The following PEX5L variants were observed in gnomAD, a reference collection of about 807,000 sequenced individuals.
PEX5L encodes the protein PEX5-related protein.
PEX5L carries 30 observed loss-of-function variants against 84.0 expected under a neutral mutation model. The observed-to-expected ratio is 0.36, with a 90% confidence interval of 0.27 to 0.48. The LOEUF (loss-of-function observed/expected upper bound fraction) is 0.48. Among genes scored for constraint, PEX5L ranks in the 20% least tolerant of loss-of-function variants. The probability of loss-of-function intolerance (pLI) is 0.99; values close to 1 mark genes in which losing one functional copy is unlikely to be tolerated. For synonymous variants in PEX5L, 270 were observed against 283.1 expected, an observed-to-expected ratio of 0.95 and a Z score of 0.46; for missense variants, 533 against 754.6, an observed-to-expected ratio of 0.71 and a Z score of 3.44.
rs1302093767 is a variant in PEX5L, at chr3:179,839,865, T to C, written c.822+19197A>G. ...AGAATAATTATGGAAGTTCTTTTTG[T>C]TTGTTTTTGTTTGTTTTTAAGAAAA... On this transcript the variant is annotated intron_variant, in intron 8 of 14. Transcript: ENST00000467460. Among the ~76,000 whole-genome samples, 4 of 152,298 alleles carry C rather than the reference T, an allele frequency of 2.6e-5. 1 individual carries two copies. In the Middle Eastern group the frequency reaches 0.01, roughly 389 times the overall value.
intron 8 of PEX5L, among the ~76,000 whole-genome samples, chr3:179,857,492 T>G (rs994328405): frequency 2.0e-5 from 3 of 152,102 alleles, no homozygotes; most frequent in African/African-American, 7.2e-5. Flanking sequence ...TAGAAAAAAT[T>G]TTTTTGGTTT....
At chr3:180,008,527 C>T (rs1381831642) in intron 1 of PEX5L, among the ~76,000 whole-genome samples, 2 of 152,174 alleles carry the variant, frequency 1.3e-5, no homozygotes, top group Non-Finnish European at 2.9e-5. Flanking sequence ...ACTCCTGGTA[C>T]CAACTTACTG....
intron 2 of PEX5L, among the ~76,000 whole-genome samples, chr3:179,956,900 T>C (rs567612243): frequency 3.0e-4 from 21 of 70,868 alleles, no homozygotes; most frequent in Admixed American, 2.3e-3. Flanking sequence ...GTAATGTACA[T>C]GATTTTTTTT....
intron 14 of PEX5L, among the ~76,000 whole-genome samples, chr3:179,802,532 CAAAAAAAAAAAAAAA>C (rs369244711): frequency 1.4e-5 from 1 of 73,890 alleles, no homozygotes; most frequent in African/African-American, 4.2e-5. Context: ...GAGACTGTCT[CAAAAAAAAAAAAAAA>C]AAAAAAAGAA....
chr3:180,030,815 G>A (rs535528870), intron 1 of PEX5L, among the ~76,000 whole-genome samples: 26 of 152,204 alleles, frequency 1.7e-4, no homozygotes, highest in Non-Finnish European at 2.6e-4. Context: ...CCAGAGGTAC[G>A]TGCACATGAG....
chr3:180,018,396 T>C (rs1427746066), intron 1 of PEX5L, among the ~76,000 whole-genome samples: 2 of 152,238 alleles, frequency 1.3e-5, no homozygotes, highest in African/African-American at 2.4e-5. Flanking sequence ...TGCAACATAG[T>C]CTTGCTTTAC....
In PEX5L at chr3:179,875,727, T is replaced by C. The variant is rs1253492149; in HGVS notation, c.506-250A>G. Among the ~76,000 whole-genome samples the C allele has an allele frequency of 5.9e-5, 9 of 152,324 alleles. No individual in the cohort carries two copies. In the East Asian group the frequency reaches 1.2e-3, roughly 20 times the overall value. ...AATAGAAATCTCCTGTTAAGATAAA[T>C]TGCATTGCTTTTACAGTTAAAGCAA... On this transcript the variant is annotated intron_variant, in intron 5 of 14. Coordinates refer to ENST00000467460, the MANE Select transcript of PEX5L (RefSeq NM_016559.3).
At chr3:179,860,125 T>C (rs1745502535) in intron 7 of PEX5L, among the ~76,000 whole-genome samples, 1 of 124,486 alleles carries the variant, frequency 8.0e-6, no homozygotes, top group Non-Finnish European at 1.9e-5. Flanking sequence ...TTTTTGTTTT[T>C]TGTTTTTTTT....
At chr3:179,893,818 C>G (rs1758342805) in intron 3 of PEX5L, among the ~76,000 whole-genome samples, 1 of 152,060 alleles carries the variant, frequency 6.6e-6, no homozygotes, top group Non-Finnish European at 1.5e-5. Flanking sequence ...ATTTATAATA[C>G]TATGGCATGT....
chr3:179,812,336 C>T lies in PEX5L; in HGVS notation c.1084-465G>A, dbSNP rs185268035. Among the ~76,000 whole-genome samples the T allele has an allele frequency of 3.6e-3, 553 of 152,238 alleles. 4 individuals carry two copies. The highest frequency in any genetic ancestry group is 0.013 in the African/African-American group (537 of 41,540). On this transcript the variant is annotated intron_variant, in intron 10 of 14. Coordinates refer to ENST00000467460, the MANE Select transcript of PEX5L (RefSeq NM_016559.3). The stretch of plus-strand genomic sequence containing the variant: ...GAAGAATTCACAGGAGATTTAGGAA[C>T]TAGGAAAAGCAAAACAAACAAAATC...
At chr3:179,828,029 C>A (rs556929281) in intron 8 of PEX5L, among the ~76,000 whole-genome samples, 1 of 152,246 alleles carries the variant, frequency 6.6e-6, no homozygotes, top group South Asian at 2.1e-4. Context: ...ATTTTTCATT[C>A]CCACCATCCC....
At chr3:179,815,140 A>G (rs1016020906) in intron 10 of PEX5L, among the ~76,000 whole-genome samples, 2 of 152,234 alleles carry the variant, frequency 1.3e-5, no homozygotes, top group African/African-American at 4.8e-5. Context: ...CTCAGCTTTT[A>G]ATAGTTTAAG....
intron 2 of PEX5L, among the ~76,000 whole-genome samples, chr3:179,934,665 C>G (rs910393883): frequency 6.6e-6 from 1 of 152,130 alleles, no homozygotes; most frequent in African/African-American, 2.4e-5. Flanking sequence ...AATTATCTAA[C>G]CAGAAAATAT....
At chr3:179,822,357 G>A (rs1728825451) in intron 8 of PEX5L, among the ~76,000 whole-genome samples, 1 of 152,218 alleles carries the variant, frequency 6.6e-6, no homozygotes, top group Non-Finnish European at 1.5e-5. Flanking sequence ...AATTAGAGCA[G>A]TAGATACATA....
chr3:180,031,901 A>C (rs1791499255), intron 1 of PEX5L, among the ~76,000 whole-genome samples: 1 of 150,696 alleles, frequency 6.6e-6, no homozygotes, highest in East Asian at 1.9e-4. Context: ...TATAATAAAA[A>C]CATTTATATG....
chr3:180,008,292 C>A (rs1382614433), intron 1 of PEX5L, among the ~76,000 whole-genome samples: 2 of 152,212 alleles, frequency 1.3e-5, no homozygotes, highest in Admixed American at 1.3e-4. Flanking sequence ...CAGTTCCCAA[C>A]AAGTGCCTCA....
chr3:179,975,581 G>T (rs1361617226), intron 1 of PEX5L, among the ~76,000 whole-genome samples: 1 of 152,148 alleles, frequency 6.6e-6, no homozygotes, highest in African/African-American at 2.4e-5. Flanking sequence ...AAAAATCAAT[G>T]CTGCTATGAA....
intron 2 of PEX5L, among the ~76,000 whole-genome samples, chr3:179,919,096 T>A (rs905416298): frequency 6.6e-6 from 1 of 152,206 alleles, no homozygotes; most frequent in Non-Finnish European, 1.5e-5. Context: ...CCTGGATTGT[T>A]TTTTGTGTAC....
chr3:180,028,815 T>C (rs1043328663), intron 1 of PEX5L, among the ~76,000 whole-genome samples: 9 of 152,362 alleles, frequency 5.9e-5, no homozygotes, highest in South Asian at 2.1e-4. Flanking sequence ...TAAGGAACTG[T>C]TGACCTAGAA....
Sources: allele counts gnomAD v4.1 joint callset (sites outside exome capture counted in the v4.1 genomes callset), GRCh38; gene constraint gnomAD v4.1.1; transcripts MANE v1.5; gene names NCBI Gene and HGNC (gene_info 2026-07-23, HGNC 2026-07-21).